TXNDC11: variants seen among roughly 807,000 people sequenced by gnomAD.
TXNDC11 encodes the protein thioredoxin domain-containing protein 11.
Under a neutral mutation model 78.0 loss-of-function variants are expected in TXNDC11, and 68 were observed. That is an observed-to-expected ratio of 0.87 (90% CI 0.72 to 1.07). TXNDC11 has a LOEUF of 1.07. Ranked by LOEUF, TXNDC11 falls within the 50% of genes least tolerant of loss-of-function variation. The pLI, the probability that TXNDC11 is intolerant of heterozygous loss-of-function variation, is 0.00. For missense variants in TXNDC11, 1,389 were observed against 1,221.8 expected (o/e 1.14, Z -2.04); for synonymous variants, 571 against 495.2 (o/e 1.15, Z -2.03).
At chr16:11,685,017 G>A (rs901895023) in intron 10 of TXNDC11, among the ~76,000 whole-genome samples, 3 of 152,240 alleles carry the variant, frequency 2.0e-5, no homozygotes, top group Admixed American at 6.5e-5. Flanking sequence ...GGGAGTGAGG[G>A]TGCGGTAAGT....
At chr16:11,721,955 G>T (rs1180402177) in intron 4 of TXNDC11, among the ~76,000 whole-genome samples, 6 of 152,162 alleles carry the variant, frequency 3.9e-5, no homozygotes, top group Non-Finnish European at 8.8e-5. Flanking sequence ...GTCCCCATGA[G>T]TAGGTCTTTC....
chr16:11,679,192 AAGTT>A lies in TXNDC11; in HGVS notation c.2876_*2del, dbSNP rs755526872. On this transcript the variant is annotated stop_lost and 3_prime_UTR_variant, in exon 12 of 12. Transcript: ENST00000283033. The surrounding 1 kb of genome is among the most constrained non-coding windows in gnomAD (Gnocchi z 4.6). ...CTCTGATTTCTTCATATCATTTAAAAAGTTAGTCTGTCCTGTTCTCCTTATTCCT... is the reference window on the plus strand; with the variant it reads ...CTCTGATTTCTTCATATCATTTAAAAAGTCTGTCCTGTTCTCCTTATTCCT... 4.3e-6 allele frequency: 7 copies of A among 1,612,176 alleles called. No homozygotes were observed. Among genetic ancestry groups the A allele is most frequent in the Non-Finnish European group, 5.9e-6 (7 of 1,179,738 alleles).
chr16:11,679,240 GC>G lies in TXNDC11; in HGVS notation c.2831del (p.Ser944ThrfsTer45). 2.5e-6 allele frequency: 4 copies of G among 1,613,480 alleles called. No homozygotes were observed. Among genetic ancestry groups the G allele is most frequent in the Non-Finnish European group, 3.4e-6 (4 of 1,180,004 alleles). ...TATTCCTTTCAGACACCAGTGTGGC[GC>G]TGACATTGGCAGGTGGAGGGGAGCT... Reference protein sequence around the residue: ...PGSSPPPANVSATLVSERNKE... With the variant: ...PGSSPPPANVXATLVSERNKE... On this transcript the variant is annotated frameshift_variant, in exon 12 of 12. Transcript: ENST00000283033. LOFTEE classifies it high-confidence loss of function. This position sits in a 1 kb window ranked among gnomAD's most constrained non-coding sequence, Gnocchi z 4.6.
At chr16:11,717,754 G>A (rs1050438313) in intron 5 of TXNDC11, among the ~76,000 whole-genome samples, 5 of 151,700 alleles carry the variant, frequency 3.3e-5, no homozygotes, top group Admixed American at 6.6e-5. Flanking sequence ...CTCGGAGGCA[G>A]AGGTTGCAGT....
At chr16:11,729,331 T>C (rs1381486014) in intron 4 of TXNDC11, among the ~76,000 whole-genome samples, 2 of 152,200 alleles carry the variant, frequency 1.3e-5, no homozygotes, top group African/African-American at 2.4e-5. Flanking sequence ...GGCAGGCCTC[T>C]GAGGTGCACA....
At chr16:11,687,992 A>G in intron 9 of TXNDC11, 26 bp from the exon 10 acceptor site, 1 of 1,530,614 alleles carries the variant, frequency 6.5e-7, no homozygotes, top group Non-Finnish European at 9.0e-7. Context: ...GACAGATGTT[A>G]CTTGCACCGG....
intron 1 of TXNDC11, among the ~76,000 whole-genome samples, chr16:11,737,998 A>G (rs900958260): frequency 1.5e-4 from 23 of 152,246 alleles, no homozygotes; most frequent in Non-Finnish European, 2.9e-4. Context: ...GGATGGGAAA[A>G]GAAAAACTAT....
At chr16:11,720,096 G>A (rs1249672506) in intron 5 of TXNDC11, among the ~76,000 whole-genome samples, 1 of 152,134 alleles carries the variant, frequency 6.6e-6, no homozygotes, top group Non-Finnish European at 1.5e-5. Context: ...AGATGAGAAT[G>A]GATCTGACAC....
rs991442017 is a variant in TXNDC11 at position 11,742,802 on chromosome 16, C to T, written c.-72G>A. ...CCCGAAGGCCCGGCCCGGCCCGTTG[C>T]TCCCCAATCCCGCAGCTCGCCGCAC... On this transcript the variant is annotated 5_prime_UTR_variant, in exon 1 of 12. Coordinates refer to ENST00000283033, the MANE Select transcript of TXNDC11 (RefSeq NM_015914.7). 2.0e-5 allele frequency: 27 copies of T among 1,383,306 alleles called. No individual in the cohort carries two copies. In the East Asian group the frequency reaches 2.0e-4, roughly 10 times the overall value. 85.7% of individuals were successfully genotyped at this position (1,383,306 alleles called of 1,614,324 possible).
chr16:11,719,761 A>G (rs2051647532), intron 5 of TXNDC11, among the ~76,000 whole-genome samples: 1 of 152,226 alleles, frequency 6.6e-6, no homozygotes, highest in South Asian at 2.1e-4. Context: ...GGAAAAAGAC[A>G]TTAAATAAAT....
chr16:11,708,108 A>G (rs2051237049), intron 5 of TXNDC11, among the ~76,000 whole-genome samples: 1 of 152,140 alleles, frequency 6.6e-6, no homozygotes, highest in Admixed American at 6.6e-5. Flanking sequence ...AAAAAAGAAA[A>G]TTTTAAATTA....
intron 7 of TXNDC11, among the ~76,000 whole-genome samples, chr16:11,695,695 G>A (rs886066957): frequency 2.6e-5 from 4 of 152,098 alleles, no homozygotes; most frequent in Admixed American, 1.3e-4. Flanking sequence ...AAAAACGTTC[G>A]TAATGATAAC....
chr16:11,719,713 G>A (rs191956607), intron 5 of TXNDC11, among the ~76,000 whole-genome samples: 1 of 152,220 alleles, frequency 6.6e-6, no homozygotes, highest in East Asian at 1.9e-4. Flanking sequence ...ACTAACATGA[G>A]GAACATGGTC....
rs1278234145 is a variant in TXNDC11 at position 11,742,856 on chromosome 16, G to GCGC, written c.-127_-126insGCG. 1.6e-5 allele frequency: 21 copies of GCGC among 1,291,720 alleles called. No homozygotes were observed. Among genetic ancestry groups the GCGC allele is most frequent in the African/African-American group, 9.4e-5 (6 of 64,006 alleles). 80.0% of individuals were successfully genotyped at this position (1,291,720 alleles called of 1,614,324 possible). A position where few individuals can be genotyped will look rare whatever the true frequency, so the allele number is the denominator to read the frequency against. On this transcript the variant is annotated 5_prime_UTR_variant, in exon 1 of 12. Transcript: ENST00000283033. ...CTAACCCGGACGCTCCACGTCAGCC[G>GCGC]CGCCGCCGCCGCGGGGTCCGCCCCA...
At chr16:11,691,169 A>C in intron 8 of TXNDC11, 121 bp downstream of exon 8, 1 of 823,558 alleles carries the variant, frequency 1.2e-6, no homozygotes, top group Non-Finnish European at 1.9e-6. Flanking sequence ...TAAAGACTTA[A>C]AATGAGCTAC....
chr16:11,730,903 T>C, intron 3 of TXNDC11, 129 bp from the exon 4 acceptor site: 5 of 678,150 alleles, frequency 7.4e-6, no homozygotes, highest in Non-Finnish European at 1.1e-5. Context: ...TCCAACCAAG[T>C]CACAGATCAG....
chr16:11,688,065 C>A, intron 9 of TXNDC11, 99 bp from the exon 10 acceptor site: 2 of 1,019,246 alleles, frequency 2.0e-6, no homozygotes, highest in Non-Finnish European at 1.5e-6. Flanking sequence ...CCGAAAAATG[C>A]TACCTATGCA....
At chr16:11,684,308 C>A (rs923317943) in intron 10 of TXNDC11, 63 bp from the exon 11 acceptor site, 15 of 1,260,006 alleles carry the variant, frequency 1.2e-5, no homozygotes, top group Non-Finnish European at 1.6e-5. Context: ...CTTGAAAGAA[C>A]CTTCTCAGAT....
intron 5 of TXNDC11, among the ~76,000 whole-genome samples, chr16:11,702,924 G>C (rs1272717621): frequency 6.6e-6 from 1 of 152,104 alleles, no homozygotes; most frequent in Non-Finnish European, 1.5e-5. Context: ...CAAATCTGAT[G>C]AGTGTAAAAT....
Sources: allele counts gnomAD v4.1 joint callset (sites outside exome capture counted in the v4.1 genomes callset), GRCh38; gene constraint gnomAD v4.1.1; non-coding constraint Gnocchi (gnomAD v3.1); transcripts MANE v1.5; gene names NCBI Gene and HGNC (gene_info 2026-07-23, HGNC 2026-07-21).